PDCD4: variants seen among roughly 807,000 people sequenced by gnomAD.
PDCD4 encodes the protein programmed cell death protein 4.
In PDCD4, 56 loss-of-function variants were observed where a neutral mutation model predicts 54.0. The observed-to-expected ratio is 1.04, with a 90% CI of 0.84 to 1.30. PDCD4 has a LOEUF of 1.30. Among genes scored for constraint, PDCD4 ranks in the 50% most tolerant of loss-of-function variants. The pLI is 0.00. For missense variants in PDCD4, 584 were observed against 559.8 expected (o/e 1.04, Z -0.44); for synonymous variants, 186 against 194.8 (o/e 0.95, Z 0.37).
At chr10:110,889,119 G>A (rs1845715973) in intron 6 of PDCD4, among the ~76,000 whole-genome samples, 1 of 151,012 alleles carries the variant, frequency 6.6e-6, no homozygotes. Flanking sequence ...CCACTCGGGA[G>A]GCTGAGGGAG....
chr10:110,895,400 G>A (rs1338747811), intron 10 of PDCD4, among the ~76,000 whole-genome samples: 1 of 152,080 alleles, frequency 6.6e-6, no homozygotes, highest in Admixed American at 6.6e-5. Context: ...TGCTGCAAAG[G>A]ACATGATTTT....
intron 1 of PDCD4, among the ~76,000 whole-genome samples, chr10:110,874,309 C>G (rs1845468812): frequency 6.6e-6 from 1 of 152,124 alleles, no homozygotes; most frequent in South Asian, 2.1e-4. Context: ...AGTATTCTCT[C>G]AAAAGTTATA....
chr10:110,880,173 G>C (rs1414654035), intron 2 of PDCD4: 1 of 152,104 alleles, frequency 6.6e-6, no homozygotes, highest in East Asian at 1.9e-4. Flanking sequence ...TAGGTGATGG[G>C]GATACAAAGA....
intron 11 of PDCD4, among the ~76,000 whole-genome samples, chr10:110,897,415 C>G (rs1845857024): frequency 1.3e-5 from 2 of 152,188 alleles, no homozygotes; most frequent in African/African-American, 4.8e-5. Flanking sequence ...CCACTTACTG[C>G]TTTAGGCCAC....
At chr10:110,887,633 T>C (rs1845687990) in intron 5 of PDCD4, 32 bp from the exon 6 acceptor site, 2 of 1,523,150 alleles carry the variant, frequency 1.3e-6, no homozygotes, top group Non-Finnish European at 9.1e-7. Context: ...TGATACACTT[T>C]TAAAATGTTT....
At chr10:110,883,155 A>G (rs1845617998) in intron 4 of PDCD4, 58 bp downstream of exon 4, 2 of 1,133,432 alleles carry the variant, frequency 1.8e-6, no homozygotes, top group African/African-American at 1.6e-5. Flanking sequence ...TTTTGACTTC[A>G]TGTTTGTAGT....
At chr10:110,889,158 G>C (rs1289401608) in intron 6 of PDCD4, among the ~76,000 whole-genome samples, 1 of 150,162 alleles carries the variant, frequency 6.7e-6, no homozygotes, top group East Asian at 2.0e-4. Flanking sequence ...GGAGGTGGAG[G>C]TTGCAGTGAA....
At chr10:110,872,991 A>G (rs978515544) in intron 1 of PDCD4, among the ~76,000 whole-genome samples, 4 of 152,210 alleles carry the variant, frequency 2.6e-5, no homozygotes, top group Non-Finnish European at 5.9e-5. Context: ...GTGTCGGGGA[A>G]AAAAGGGTTT....
chr10:110,873,806 C>G (rs1281559252), intron 1 of PDCD4, among the ~76,000 whole-genome samples: 1 of 152,150 alleles, frequency 6.6e-6, no homozygotes. Context: ...ATCGGGTTAT[C>G]ATTGCCTAAA....
At chr10:110,895,376 AGCT>A (rs1845816187) in intron 10 of PDCD4, among the ~76,000 whole-genome samples, 3 of 152,268 alleles carry the variant, frequency 2.0e-5, no homozygotes, top group Admixed American at 6.5e-5. Context: ...AATGGCCTCC[AGCT>A]GCATCCACGT....
intron 7 of PDCD4, 25 bp from the exon 8 acceptor site, chr10:110,890,531 C>G: frequency 6.8e-7 from 1 of 1,462,478 alleles, no homozygotes; most frequent in Non-Finnish European, 9.5e-7. Flanking sequence ...AGCTATCAAA[C>G]TTAAATTTTT....
chr10:110,884,673 T>G (rs1255351681), intron 4 of PDCD4: 1 of 152,144 alleles, frequency 6.6e-6, no homozygotes, highest in African/African-American at 2.4e-5. Flanking sequence ...GAGAAAAAAT[T>G]AACAGAAGAC....
At chr10:110,896,393 T>C (rs1175713956) in intron 11 of PDCD4, among the ~76,000 whole-genome samples, 1 of 152,144 alleles carries the variant, frequency 6.6e-6, no homozygotes, top group East Asian at 1.9e-4. Flanking sequence ...TAGGGAGGTA[T>C]AATGTACTTT....
At chr10:110,889,221 CAAAAA>C (rs34424151) in intron 6 of PDCD4, among the ~76,000 whole-genome samples, 2 of 70,446 alleles carry the variant, frequency 2.8e-5, no homozygotes, top group African/African-American at 1.1e-4. Flanking sequence ...GACTCTGTCT[CAAAAA>C]AAAAAAAAAA....
In PDCD4 at chr10:110,881,412, G is replaced by T. The variant is rs1376671303; in HGVS notation, c.223G>T (p.Asp75Tyr). 6.2e-7 allele frequency: 1 copy of T among 1,614,190 alleles called. No homozygotes were observed. The highest frequency in any genetic ancestry group is 1.3e-5 in the African/African-American group (1 of 75,072). Reference sequence around the variant, plus strand: ...CTCATCCCGGGACTCTGGCAGAGGCGATTCGGTCAGCGACAGTGGGAGTGA... The same window carrying T: ...CTCATCCCGGGACTCTGGCAGAGGCTATTCGGTCAGCGACAGTGGGAGTGA... Reference protein sequence around the residue: ...KNSSRDSGRGDSVSDSGSDAL... With the variant: ...KNSSRDSGRGYSVSDSGSDAL... Residue 75 changes from aspartate (D) to tyrosine (Y), a missense_variant, in exon 3 of 12, where the codon GAT (aspartate) becomes TAT (tyrosine). Transcript: ENST00000280154.
rs1048275190 is a variant in PDCD4 at position 110,882,934 on chromosome 10, A to AT, written c.347-65dup. ...TTTAGCTGTTGTTTAACATCGGAAC[A>AT]TTTTATTTTAGATTTCAACAAATTG... On this transcript the variant is annotated intron_variant, in intron 3 of 11. Transcript: ENST00000280154. 2.1e-5 allele frequency: 21 copies of AT among 986,980 alleles called. No homozygotes were observed. The African/African-American group carries it at 3.3e-4, about 15-fold the overall frequency. The allele number at this position is 986,980 out of a possible 1,614,324, so 61.1% of individuals were successfully genotyped here.
chr10:110,875,478 C>T (rs1052850852), intron 1 of PDCD4, among the ~76,000 whole-genome samples: 1 of 152,044 alleles, frequency 6.6e-6, no homozygotes, highest in Non-Finnish European at 1.5e-5. Context: ...TTCAGATATG[C>T]CGTAATGTGA....
chr10:110,892,919 T>C (rs545086310), intron 8 of PDCD4, among the ~76,000 whole-genome samples: 7 of 152,144 alleles, frequency 4.6e-5, no homozygotes, highest in South Asian at 4.1e-4. Flanking sequence ...TCATTTACAC[T>C]GTTTTTTATT....
At chr10:110,876,811 AAG>A (rs1228867406) in intron 2 of PDCD4, 1 of 567,708 alleles carries the variant, frequency 1.8e-6, no homozygotes, top group Non-Finnish European at 2.9e-6. Context: ...ATCTCCCAAA[AAG>A]TTAATTAGAA....
Sources: allele counts gnomAD v4.1 joint callset (sites outside exome capture counted in the v4.1 genomes callset), GRCh38; gene constraint gnomAD v4.1.1; transcripts MANE v1.5; gene names NCBI Gene and HGNC (gene_info 2026-07-23, HGNC 2026-07-21).